Variants in SULF1 observed in about 807,000 individuals in gnomAD.
The protein encoded by SULF1 is sulfatase 1.
In SULF1, 46 loss-of-function variants were observed where a neutral mutation model predicts 110.5. That is an observed-to-expected ratio of 0.42 (90% CI 0.33 to 0.53). The LOEUF is 0.53. Ranked by LOEUF, SULF1 falls within the 20% of genes least tolerant of loss-of-function variation. SULF1 has a pLI of 0.12. For synonymous variants in SULF1, 371 were observed against 387.1 expected (o/e 0.96, Z 0.49); for missense variants, 941 against 1,094.2 (o/e 0.86, Z 1.98).
intron 3 of SULF1, among the ~76,000 whole-genome samples, chr8:69,546,951 G>A (rs1814302863): frequency 6.6e-6 from 1 of 152,186 alleles, no homozygotes; most frequent in South Asian, 2.1e-4. Context: ...AAGTAGCAAT[G>A]AAAAGGTTTG....
At chr8:69,471,968 G>C (rs963547204) in intron 1 of SULF1, among the ~76,000 whole-genome samples, 1 of 150,940 alleles carries the variant, frequency 6.6e-6, no homozygotes, top group African/African-American at 2.5e-5. Flanking sequence ...GGGGAATAAG[G>C]AAAGGAGGGA....
intron 13 of SULF1, among the ~76,000 whole-genome samples, chr8:69,609,791 T>G (rs570308865): frequency 1.4e-3 from 209 of 152,338 alleles, no homozygotes; most frequent in African/African-American, 4.8e-3. Context: ...GAGATGCTTA[T>G]GTTTAAGTCC....
intron 22 of SULF1, 34 bp downstream of exon 22, chr8:69,640,875 C>T (rs769828647): frequency 3.1e-6 from 5 of 1,600,212 alleles, no homozygotes; most frequent in Non-Finnish European, 4.3e-6. Flanking sequence ...TCAACAGCTT[C>T]TTCCCCAATA....
intron 19 of SULF1, chr8:69,637,496 A>C (rs1490039720): frequency 6.5e-6 from 1 of 153,800 alleles, no homozygotes; most frequent in Non-Finnish European, 1.5e-5. Flanking sequence ...ATGAAGAGCA[A>C]GTAATACATT....
At chr8:69,521,494 A>G (rs1410711186) in intron 3 of SULF1, among the ~76,000 whole-genome samples, 2 of 152,208 alleles carry the variant, frequency 1.3e-5, no homozygotes, top group Non-Finnish European at 2.9e-5. Flanking sequence ...TGAAGGAGTG[A>G]GGAAGTAGCA....
intron 22 of SULF1, among the ~76,000 whole-genome samples, chr8:69,646,079 C>T (rs572357331): frequency 4.5e-4 from 69 of 152,108 alleles, no homozygotes; most frequent in African/African-American, 1.5e-3. Flanking sequence ...AAACTGGGAC[C>T]CTCCCAGGCA....
At chr8:69,588,810 T>A (rs916353170) in intron 7 of SULF1, among the ~76,000 whole-genome samples, 162 bp from the exon 8 acceptor site, 2 of 152,206 alleles carry the variant, frequency 1.3e-5, no homozygotes, top group Non-Finnish European at 2.9e-5. Flanking sequence ...TTTTCTCTAT[T>A]ATCGAAAATG....
At position 69,586,386 on chromosome 8, in the gene SULF1, A is replaced by G; in HGVS notation, c.442A>G (p.Asn148Asp). Residue 148 changes from asparagine (N) to aspartate (D), a missense_variant, in exon 7 of 23, where the codon AAT becomes GAT. Asn to Asp is a conservative substitution (Grantham distance 23, BLOSUM62 1). Around this residue, in one of 3 missense-constraint regions of SULF1, gnomAD observed 822 missense variants for 934.3 expected, o/e 0.88. Coordinates refer to ENST00000402687, the MANE Select transcript of SULF1 (RefSeq NM_001128205.2). ...TTTTGGAAAATACCTCAATGAATAT[A>G]ATGGCAGCTACATCCCCCCTGGGTG... Reference protein sequence around the residue: ...AFFGKYLNEYNGSYIPPGWRE... With the variant: ...AFFGKYLNEYDGSYIPPGWRE... 1 of 1,601,028 alleles carries G rather than the reference A, an allele frequency of 6.2e-7. No homozygotes were observed. Among genetic ancestry groups the G allele is most frequent in the East Asian group, 2.2e-5 (1 of 44,460 alleles).
chr8:69,585,790 A>G (rs1158368929), intron 6 of SULF1, among the ~76,000 whole-genome samples: 6 of 152,208 alleles, frequency 3.9e-5, no homozygotes, highest in Non-Finnish European at 8.8e-5. Flanking sequence ...ATTACATACT[A>G]TACATGTGAT....
intron 5 of SULF1, among the ~76,000 whole-genome samples, chr8:69,569,838 C>G (rs993871929): frequency 3.3e-5 from 5 of 151,996 alleles, no homozygotes; most frequent in Non-Finnish European, 5.9e-5. Flanking sequence ...CCTTCTTCTC[C>G]CAACTACCTT....
intron 1 of SULF1, among the ~76,000 whole-genome samples, chr8:69,487,739 A>G (rs1809764632): frequency 6.6e-6 from 1 of 152,208 alleles, no homozygotes; most frequent in South Asian, 2.1e-4. Context: ...GGGTTTAAAC[A>G]TATTTATTTA....
At chr8:69,536,625 T>A (rs141223124) in intron 3 of SULF1, among the ~76,000 whole-genome samples, 1 of 152,142 alleles carries the variant, frequency 6.6e-6, no homozygotes, top group Non-Finnish European at 1.5e-5. Flanking sequence ...TTTAAAATAA[T>A]CACTTAACAA....
At chr8:69,565,063 C>T (rs537764822) in intron 5 of SULF1, among the ~76,000 whole-genome samples, 5 of 152,312 alleles carry the variant, frequency 3.3e-5, no homozygotes, top group Admixed American at 2.0e-4. Flanking sequence ...AAACTCTTCA[C>T]GCTGGCACTT....
intron 3 of SULF1, among the ~76,000 whole-genome samples, chr8:69,510,339 AG>A (rs1299974579): frequency 6.6e-6 from 1 of 152,190 alleles, no homozygotes; most frequent in Non-Finnish European, 1.5e-5. Context: ...CCAGACTGCC[AG>A]GGTTTGAATT....
intron 19 of SULF1, 139 bp from the exon 20 acceptor site, chr8:69,638,363 C>A (rs1811211919): frequency 2.9e-6 from 3 of 1,028,540 alleles, no homozygotes; most frequent in South Asian, 1.6e-5. Context: ...TATTATTATT[C>A]TTAACATGAA....
intron 1 of SULF1, among the ~76,000 whole-genome samples, chr8:69,483,814 T>C (rs910222960): frequency 2.0e-5 from 3 of 151,898 alleles, no homozygotes; most frequent in African/African-American, 7.3e-5. Flanking sequence ...ACAAAAACAT[T>C]CTCTTAAAGA....
intron 13 of SULF1, among the ~76,000 whole-genome samples, chr8:69,608,960 G>A (rs555165990): frequency 1.3e-5 from 2 of 152,120 alleles, no homozygotes; most frequent in Non-Finnish European, 2.9e-5. Context: ...TGCATACTGA[G>A]GGGCAAATCT....
At chr8:69,619,372 T>C (rs1250144366) in intron 13 of SULF1, among the ~76,000 whole-genome samples, 1 of 152,182 alleles carries the variant, frequency 6.6e-6, no homozygotes, top group African/African-American at 2.4e-5. Context: ...CCCCAATTAA[T>C]TTTGTAGGGA....
chr8:69,591,883 T>C (rs1806935866), intron 8 of SULF1, among the ~76,000 whole-genome samples: 2 of 152,166 alleles, frequency 1.3e-5, no homozygotes, highest in Admixed American at 1.3e-4. Flanking sequence ...AGTCGAGTAG[T>C]TGTGTCAGAT....
Sources: allele counts gnomAD v4.1 joint callset (sites outside exome capture counted in the v4.1 genomes callset), GRCh38; gene constraint gnomAD v4.1.1; regional missense constraint gnomAD v4.1.1; transcripts MANE v1.5; gene names NCBI Gene and HGNC (gene_info 2026-07-23, HGNC 2026-07-21).